EXD3: variants seen among roughly 807,000 people sequenced by gnomAD.
The protein encoded by EXD3 is exonuclease mut-7 homolog.
Under a neutral mutation model 98.0 loss-of-function variants are expected in EXD3, and 92 were observed. The ratio of observed to expected loss-of-function variants is 0.94; its 90% confidence interval spans 0.79 to 1.12. The LOEUF is 1.12. Among genes scored for constraint, EXD3 ranks in the 50% most tolerant of loss-of-function variants. EXD3 has a pLI of 0.00. For missense variants in EXD3, 1,222 were observed against 1,191.6 expected, an observed-to-expected ratio of 1.03 and a Z score of -0.38; for synonymous variants, 569 against 526.0, an observed-to-expected ratio of 1.08 and a Z score of -1.12.
chr9:137,328,550 C>A (rs988876745), intron 17 of EXD3, among the ~76,000 whole-genome samples: 1 of 150,226 alleles, frequency 6.7e-6, no homozygotes, highest in Non-Finnish European at 1.5e-5. Context: ...GGAAACGGGT[C>A]AAAGGGAAGA....
rs1834157805 is a variant in EXD3 at position 137,349,740 on chromosome 9, G to A, written c.1495-209C>T. On this transcript the variant is annotated intron_variant, in intron 14 of 21. Transcript: ENST00000340951. This position sits in a 1 kb window ranked among gnomAD's most constrained non-coding sequence, Gnocchi z 7.4. ...CAGGCTGCAGGCACTGCACACCAGG[G>A]CCAGCTCCGGGGGCCCTGGTCAGCA... is the stretch of plus-strand genomic sequence containing the variant. Among the ~76,000 whole-genome samples, 1 of 152,074 alleles carries A rather than the reference G, an allele frequency of 6.6e-6. No homozygotes were observed. Among genetic ancestry groups the A allele is most frequent in the South Asian group, 2.1e-4 (1 of 4,828 alleles).
At chr9:137,382,187 C>CGTGGAGGAGGTGAGGGCGT (rs1836344822) in intron 3 of EXD3, among the ~76,000 whole-genome samples, 1 of 150,912 alleles carries the variant, frequency 6.6e-6, no homozygotes, top group Non-Finnish European at 1.5e-5. Flanking sequence ...GGTGAGGGCG[C>CGTGGAGGAGGTGAGGGCGT]GCGGAGGAGG....
intron 19 of EXD3, among the ~76,000 whole-genome samples, chr9:137,317,652 G>C (rs1831759816): frequency 2.0e-5 from 3 of 152,116 alleles, no homozygotes; most frequent in South Asian, 4.1e-4. Flanking sequence ...CTGTGGAGAG[G>C]TGGTGTGGGT....
At chr9:137,343,706 A>G (rs1833772533) in intron 17 of EXD3, among the ~76,000 whole-genome samples, 1 of 142,046 alleles carries the variant, frequency 7.0e-6, no homozygotes, top group Non-Finnish European at 1.5e-5. Flanking sequence ...CTCCTGCCTC[A>G]GCCTCCCGAG....
intron 17 of EXD3, among the ~76,000 whole-genome samples, chr9:137,332,613 G>A (rs1450364921): frequency 1.3e-5 from 2 of 151,944 alleles, no homozygotes; most frequent in African/African-American, 4.8e-5. Context: ...GGAGGCCAAG[G>A]CGGGCAGATC....
At chr9:137,350,941 G>T in intron 14 of EXD3, 97 bp downstream of exon 14, 1 of 959,076 alleles carries the variant, frequency 1.0e-6, no homozygotes, top group Non-Finnish European at 1.6e-6. Context: ...TCCGGCGGGA[G>T]AAGCCCAGGG....
chr9:137,370,791 CTTT>C (rs1158053438), intron 5 of EXD3, among the ~76,000 whole-genome samples: 7 of 129,994 alleles, frequency 5.4e-5, no homozygotes, highest in Admixed American at 7.7e-5. Flanking sequence ...CCAAGAGGGC[CTTT>C]TTTTTTTTTT....
intron 2 of EXD3, among the ~76,000 whole-genome samples, chr9:137,384,044 C>T (rs1204517070): frequency 1.3e-5 from 2 of 152,118 alleles, no homozygotes; most frequent in Non-Finnish European, 2.9e-5. Flanking sequence ...GGGTCAGGGT[C>T]GGAGGCCAGG....
At chr9:137,355,149 G>A (rs796812851) in intron 8 of EXD3, among the ~76,000 whole-genome samples, 14 of 152,154 alleles carry the variant, frequency 9.2e-5, no homozygotes, top group African/African-American at 2.9e-4. Flanking sequence ...TGTGGGTCCC[G>A]TGACTGAAGC....
At chr9:137,326,865 C>T (rs1832431039) in intron 17 of EXD3, among the ~76,000 whole-genome samples, 1 of 151,922 alleles carries the variant, frequency 6.6e-6, no homozygotes, top group Non-Finnish European at 1.5e-5. Context: ...TGCAAAAGAA[C>T]TGAAAGCAGG....
chr9:137,376,483 G>A (rs1835911265), intron 3 of EXD3, among the ~76,000 whole-genome samples: 1 of 151,762 alleles, frequency 6.6e-6, no homozygotes, highest in Admixed American at 6.6e-5. Context: ...AGGCCGCCTC[G>A]AGAGACAAGT....
intron 7 of EXD3, among the ~76,000 whole-genome samples, chr9:137,358,885 C>T (rs1005766321): frequency 4.0e-5 from 6 of 151,114 alleles, no homozygotes; most frequent in Admixed American, 2.6e-4. Context: ...GGGGTTTTGT[C>T]ACGTTGCTCA....
At chr9:137,409,425 A>G (rs1490719972) in intron 1 of EXD3, among the ~76,000 whole-genome samples, 1 of 152,168 alleles carries the variant, frequency 6.6e-6, no homozygotes. Context: ...TTTTAAGTTA[A>G]CAGAAAACTG....
chr9:137,309,546 C>T, intron 20 of EXD3, 61 bp downstream of exon 20: 1 of 1,399,794 alleles, frequency 7.1e-7, no homozygotes, highest in Non-Finnish European at 9.9e-7. Flanking sequence ...TCCCTGGCTA[C>T]CTCAGTAGGT....
chr9:137,366,987 G>C (rs1368073312), intron 6 of EXD3, among the ~76,000 whole-genome samples: 2 of 152,244 alleles, frequency 1.3e-5, no homozygotes, highest in Admixed American at 6.5e-5. Flanking sequence ...TACCAGCACT[G>C]CCTCCCGAGC....
intron 6 of EXD3, among the ~76,000 whole-genome samples, chr9:137,367,173 G>A (rs772541312): frequency 6.6e-6 from 1 of 152,152 alleles, no homozygotes; most frequent in African/African-American, 2.4e-5. Context: ...CTGCCCCACA[G>A]GTGAGGCTGC....
intron 19 of EXD3, among the ~76,000 whole-genome samples, chr9:137,316,608 C>T (rs1046104947): frequency 5.9e-5 from 9 of 152,244 alleles, no homozygotes; most frequent in Non-Finnish European, 1.0e-4. Context: ...GATGGTCCCG[C>T]CATCGACTGG....
chr9:137,308,562 C>T (rs1369377423), intron 20 of EXD3, among the ~76,000 whole-genome samples: 3 of 151,984 alleles, frequency 2.0e-5, no homozygotes, highest in African/African-American at 7.3e-5. Flanking sequence ...GCCTCGCTCT[C>T]CGGGGTGTGC....
At chr9:137,335,960 A>T (rs1833334684) in intron 17 of EXD3, among the ~76,000 whole-genome samples, 1 of 152,198 alleles carries the variant, frequency 6.6e-6, no homozygotes, top group Non-Finnish European at 1.5e-5. Flanking sequence ...ACTCAGCCGT[A>T]AAAAAGAACA....
Sources: gnomAD v4.1 joint callset for allele counts (sites outside exome capture counted in the v4.1 genomes callset) on GRCh38, gnomAD v4.1.1 for gene constraint, Gnocchi (gnomAD v3.1) non-coding constraint, MANE v1.5 for transcripts, NCBI Gene and HGNC (gene_info 2026-07-23, HGNC 2026-07-21) for gene names.